BICD1: variants seen among roughly 807,000 people sequenced by gnomAD.
BICD1 encodes protein bicaudal D homolog 1.
A neutral mutation model predicts 92.5 loss-of-function variants in BICD1; 35 were observed. That is an observed-to-expected ratio of 0.38 (90% CI 0.29 to 0.50). BICD1 has a LOEUF of 0.50. Among genes scored for constraint, BICD1 ranks in the 20% least tolerant of loss-of-function variants. The probability of loss-of-function intolerance (pLI) is 0.93; values close to 1 mark genes in which losing one functional copy is unlikely to be tolerated. For synonymous variants in BICD1, 429 were observed against 465.1 expected (o/e 0.92, Z 1.00); for missense variants, 950 against 1,189.8 (o/e 0.80, Z 2.97).
At position 32,107,180 on chromosome 12, in the gene BICD1, G is replaced by C. The variant is rs866504255; in HGVS notation, c.-152G>C. On this transcript the variant is annotated 5_prime_UTR_variant, in exon 1 of 10. Coordinates refer to ENST00000652176, the MANE Select transcript of BICD1 (RefSeq NM_001714.4). Reference sequence around the variant, plus strand: ...GGCGGTGTAGCTGCCGCTGCCACCAGAGCCGGCGGGGCATCGCGCTGCTCA... The same window carrying C: ...GGCGGTGTAGCTGCCGCTGCCACCACAGCCGGCGGGGCATCGCGCTGCTCA... The C allele has an allele frequency of 8.6e-5, 63 of 730,024 alleles. No individual in the cohort carries two copies. In the African/African-American group the frequency reaches 1.1e-3, roughly 12 times the overall value. The allele number at this position is 730,024 out of a possible 1,614,324, so 45.2% of individuals were successfully genotyped here.
intron 2 of BICD1, among the ~76,000 whole-genome samples, chr12:32,221,696 A>G (rs985849729): frequency 6.6e-6 from 1 of 151,892 alleles, no homozygotes; most frequent in African/African-American, 2.4e-5. Context: ...TAATAATGAT[A>G]ATAATAATAA....
At chr12:32,353,961 T>C (rs1408810737) in intron 8 of BICD1, 2 of 152,200 alleles carry the variant, frequency 1.3e-5, no homozygotes, top group African/African-American at 4.8e-5. Flanking sequence ...TACCTCTTGG[T>C]GCCACTGTAT....
At chr12:32,359,282 C>A (rs1939231679) in intron 8 of BICD1, among the ~76,000 whole-genome samples, 1 of 152,110 alleles carries the variant, frequency 6.6e-6, no homozygotes, top group Non-Finnish European at 1.5e-5. Context: ...AGTCCATTTT[C>A]TGTTCCTTAT....
intron 8 of BICD1, among the ~76,000 whole-genome samples, chr12:32,348,362 T>C (rs1445090738): frequency 2.6e-5 from 4 of 152,218 alleles, no homozygotes; most frequent in Non-Finnish European, 5.9e-5. Context: ...TTAAAGTCTT[T>C]TAGATTTTGT....
intron 9 of BICD1, among the ~76,000 whole-genome samples, chr12:32,374,475 G>T (rs79206024): frequency 0.027 from 4,053 of 151,626 alleles, 190 homozygotes; most frequent in African/African-American, 0.093. Context: ...CCTATAACCT[G>T]CTGTTTACCA....
At chr12:32,166,105 C>CATTT (rs778850950) in intron 1 of BICD1, among the ~76,000 whole-genome samples, 8,616 of 121,720 alleles carry the variant, frequency 0.071, 349 homozygotes, top group South Asian at 0.16. Context: ...TGTCTGGAGA[C>CATTT]ATTTATTTAT....
intron 1 of BICD1, among the ~76,000 whole-genome samples, chr12:32,180,645 G>C (rs12317357): frequency 0.068 from 10,391 of 151,950 alleles, 576 homozygotes; most frequent in African/African-American, 0.14. Flanking sequence ...TTGTCAGGTT[G>C]CATTTTTCTC....
intron 1 of BICD1, among the ~76,000 whole-genome samples, chr12:32,199,067 T>C (rs555509039): frequency 3.3e-5 from 5 of 152,260 alleles, no homozygotes; most frequent in African/African-American, 1.2e-4. Flanking sequence ...AATTTGAGGC[T>C]GTTGGGGGAT....
chr12:32,334,428 A>G (rs944351199), intron 5 of BICD1, 88 bp from the exon 6 acceptor site: 2 of 1,309,508 alleles, frequency 1.5e-6, no homozygotes, highest in Admixed American at 2.8e-5. Flanking sequence ...TCCTTTTATA[A>G]AAGAACATAA....
At chr12:32,243,396 GAGC>G (rs1289175844) in intron 2 of BICD1, among the ~76,000 whole-genome samples, 2 of 151,180 alleles carry the variant, frequency 1.3e-5, no homozygotes, top group Non-Finnish European at 2.9e-5. Flanking sequence ...TTACAGGCAT[GAGC>G]AACTGCGTCT....
At chr12:32,132,676 G>T (rs934540535) in intron 1 of BICD1, among the ~76,000 whole-genome samples, 1 of 152,232 alleles carries the variant, frequency 6.6e-6, no homozygotes, top group Non-Finnish European at 1.5e-5. Context: ...CTCCAGTGTG[G>T]CAGTTGTTGG....
At chr12:32,339,577 T>C in intron 8 of BICD1, 2 of 985,462 alleles carry the variant, frequency 2.0e-6, no homozygotes, top group Non-Finnish European at 2.4e-6. Flanking sequence ...ATTTTGCATT[T>C]TTCTTTCTTC....
At chr12:32,136,612 T>A (rs1942745025) in intron 1 of BICD1, among the ~76,000 whole-genome samples, 1 of 152,070 alleles carries the variant, frequency 6.6e-6, no homozygotes, top group Admixed American at 6.6e-5. Context: ...ACAGGTCCTG[T>A]CCAGTGTAGA....
intron 2 of BICD1, among the ~76,000 whole-genome samples, chr12:32,289,761 A>G (rs2136187007): frequency 6.6e-6 from 1 of 152,378 alleles, no homozygotes; most frequent in South Asian, 2.1e-4. Context: ...AGTATTATAT[A>G]CCAATATTTA....
intron 4 of BICD1, among the ~76,000 whole-genome samples, chr12:32,308,132 G>A: frequency 6.6e-6 from 1 of 152,222 alleles, no homozygotes; most frequent in East Asian, 1.9e-4. Flanking sequence ...TCAATTAAAA[G>A]AATGGTGGAA....
intron 3 of BICD1, among the ~76,000 whole-genome samples, chr12:32,298,633 G>A (rs1947947421): frequency 6.6e-6 from 1 of 150,888 alleles, no homozygotes; most frequent in Non-Finnish European, 1.5e-5. Context: ...CACTTGGGGA[G>A]GCCGAGGCGG....
intron 2 of BICD1, among the ~76,000 whole-genome samples, chr12:32,277,508 T>G (rs182665332): frequency 6.6e-6 from 1 of 152,358 alleles, no homozygotes; most frequent in Admixed American, 6.5e-5. Flanking sequence ...TTAAGCTTTC[T>G]TTTTCATTAC....
intron 6 of BICD1, among the ~76,000 whole-genome samples, chr12:32,335,483 G>C (rs1938073807): frequency 1.3e-5 from 2 of 151,862 alleles, no homozygotes; most frequent in Admixed American, 1.3e-4. Context: ...TGATTGTTAA[G>C]AATGTATTTG....
chr12:32,242,167 G>T (rs1946254426), intron 2 of BICD1, among the ~76,000 whole-genome samples: 1 of 123,158 alleles, frequency 8.1e-6, no homozygotes, highest in Admixed American at 1.1e-4. Context: ...AATGAGCCAT[G>T]ATTCCATCAC....
Sources: allele counts gnomAD v4.1 joint callset (sites outside exome capture counted in the v4.1 genomes callset), GRCh38; gene constraint gnomAD v4.1.1; transcripts MANE v1.5; gene names NCBI Gene and HGNC (gene_info 2026-07-23, HGNC 2026-07-21).